Variants in NR3C2 observed in about 807,000 individuals in gnomAD.
NR3C2 encodes mineralocorticoid receptor.
NR3C2 carries 15 observed loss-of-function variants against 86.4 expected under a neutral mutation model. The ratio of observed to expected loss-of-function variants is 0.17; its 90% CI spans 0.12 to 0.27. The LOEUF is 0.27. Among genes scored for constraint, NR3C2 ranks in the 10% least tolerant of loss-of-function variants. The probability of loss-of-function intolerance (pLI) is 1.00; values close to 1 mark genes in which losing one functional copy is unlikely to be tolerated. For synonymous variants in NR3C2, 458 were observed against 450.5 expected, an observed-to-expected ratio of 1.02 and a Z score of -0.21; for missense variants, 960 against 1,195.6, an observed-to-expected ratio of 0.80 and a Z score of 2.91.
chr4:148,180,408 T>C (rs1735593334), intron 4 of NR3C2, among the ~76,000 whole-genome samples: 1 of 152,152 alleles, frequency 6.6e-6, no homozygotes, highest in Non-Finnish European at 1.5e-5. Flanking sequence ...AAAAATCTTT[T>C]TTCCTCCTTC....
At chr4:148,376,288 AG>A in intron 2 of NR3C2, among the ~76,000 whole-genome samples, 1 of 152,148 alleles carries the variant, frequency 6.6e-6, no homozygotes. Context: ...AGCCTGTGCC[AG>A]TTTACAGTAT....
intron 6 of NR3C2, among the ~76,000 whole-genome samples, chr4:148,149,677 T>C (rs916814676): frequency 2.6e-5 from 4 of 152,126 alleles, no homozygotes; most frequent in Non-Finnish European, 5.9e-5. Context: ...TTAATATCCA[T>C]AATATATAAA....
At chr4:148,379,460 C>T (rs576389424) in intron 2 of NR3C2, among the ~76,000 whole-genome samples, 1 of 152,226 alleles carries the variant, frequency 6.6e-6, no homozygotes, top group African/African-American at 2.4e-5. Flanking sequence ...CAGAGTCCCA[C>T]CGGGGATGAG....
At chr4:148,438,612 A>G (rs143201411) in intron 1 of NR3C2, among the ~76,000 whole-genome samples, 1 of 152,300 alleles carries the variant, frequency 6.6e-6, no homozygotes, top group African/African-American at 2.4e-5. Flanking sequence ...ATTTAAAAAA[A>G]AACAAAAAAC....
chr4:148,419,046 G>A (rs1412520204), intron 2 of NR3C2, among the ~76,000 whole-genome samples: 1 of 151,362 alleles, frequency 6.6e-6, no homozygotes, highest in East Asian at 1.9e-4. Flanking sequence ...TGTATCTCTA[G>A]CCTGTTTACA....
chr4:148,304,062 T>C (rs2356396), intron 2 of NR3C2, among the ~76,000 whole-genome samples: 150,631 of 152,284 alleles, frequency 0.99, 74,520 homozygotes, highest in East Asian at 1. Flanking sequence ...GGGATGCCTG[T>C]TCCCCTCTTT....
rs532259740 is a variant in NR3C2, at chr4:148,079,805, C to T, written c.*1539G>A. 1.2e-4 allele frequency: 19 copies of T among 152,724 alleles called. No individual in the cohort carries two copies. Among genetic ancestry groups the T allele is most frequent in the African/African-American group, 4.1e-4 (17 of 41,564 alleles). The allele number at this position is 152,724 out of a possible 1,614,324, so 9.5% of individuals were successfully genotyped here. A position where few individuals can be genotyped will look rare whatever the true frequency, so the allele number is the denominator to read the frequency against. On this transcript the variant is annotated 3_prime_UTR_variant, in exon 9 of 9. Transcript: ENST00000358102. ...TTTTAAAAATCTAAAACCCCTCTATCTCCCGGTCTCCATGCCATTCAGACT... is the reference window on the plus strand; with the variant it reads ...TTTTAAAAATCTAAAACCCCTCTATTTCCCGGTCTCCATGCCATTCAGACT...
intron 2 of NR3C2, among the ~76,000 whole-genome samples, chr4:148,402,578 CAGTT>C (rs951336096): frequency 2.6e-5 from 4 of 152,304 alleles, no homozygotes; most frequent in African/African-American, 4.8e-5. Flanking sequence ...GCTAAATTCA[CAGTT>C]AGAACATGTC....
chr4:148,348,873 T>C (rs1260417249), intron 2 of NR3C2, among the ~76,000 whole-genome samples: 1 of 152,130 alleles, frequency 6.6e-6, no homozygotes, highest in East Asian at 1.9e-4. Context: ...CTGCAGACAT[T>C]TTCTTCTACC....
chr4:148,086,915 C>T (rs1439670099), intron 8 of NR3C2, among the ~76,000 whole-genome samples: 1 of 152,154 alleles, frequency 6.6e-6, no homozygotes, highest in Non-Finnish European at 1.5e-5. Flanking sequence ...AGTATTAGAA[C>T]TTCTGGCCAG....
chr4:148,385,379 A>G (rs1242282383), intron 2 of NR3C2, among the ~76,000 whole-genome samples: 2 of 152,208 alleles, frequency 1.3e-5, no homozygotes. Context: ...TCCCTGAGGT[A>G]GAGTTAGAAT....
chr4:148,424,932 C>G (rs558514738), intron 2 of NR3C2, among the ~76,000 whole-genome samples: 1 of 152,030 alleles, frequency 6.6e-6, no homozygotes, highest in South Asian at 2.1e-4. Context: ...AATCTCATTG[C>G]GCAGACTAAG....
rs367932576 is a variant in NR3C2 at position 148,271,001 on chromosome 4, T to C, written c.1758-10884A>G. 2.4e-4 allele frequency among the ~76,000 whole-genome samples: 37 copies of C among 152,308 alleles called. No homozygotes were observed. In the East Asian group the frequency reaches 5.4e-3, roughly 22 times the overall value. On this transcript the variant is annotated intron_variant, in intron 2 of 8. Transcript: ENST00000358102. Reference sequence around the variant, plus strand: ...AACCAGATTCTGCTATAGGATAGCATTTCCAATTAGATAAAAATTATTCTT... The same window carrying C: ...AACCAGATTCTGCTATAGGATAGCACTTCCAATTAGATAAAAATTATTCTT...
intron 2 of NR3C2, among the ~76,000 whole-genome samples, chr4:148,386,359 A>T (rs551333446): frequency 6.6e-6 from 1 of 152,192 alleles, no homozygotes; most frequent in Non-Finnish European, 1.5e-5. Context: ...GAAAACGAGC[A>T]TACCTCAGCT....
At chr4:148,323,612 G>T (rs1285951341) in intron 2 of NR3C2, among the ~76,000 whole-genome samples, 2 of 152,074 alleles carry the variant, frequency 1.3e-5, no homozygotes. Flanking sequence ...TCGGAAAAGC[G>T]CAGTATTCGG....
intron 3 of NR3C2, among the ~76,000 whole-genome samples, chr4:148,229,541 A>C (rs2149836265): frequency 6.6e-6 from 1 of 152,274 alleles, no homozygotes; most frequent in African/African-American, 2.4e-5. Flanking sequence ...ATTCTAAATA[A>C]ACAAATGATA....
intron 2 of NR3C2, among the ~76,000 whole-genome samples, chr4:148,336,223 G>C (rs1427001324): frequency 6.6e-6 from 1 of 152,118 alleles, no homozygotes; most frequent in Non-Finnish European, 1.5e-5. Context: ...GCAGGATAAT[G>C]GCAGCACTAA....
At chr4:148,236,773 T>C (rs904102795) in intron 3 of NR3C2, among the ~76,000 whole-genome samples, 21 of 152,194 alleles carry the variant, frequency 1.4e-4, no homozygotes, top group African/African-American at 4.3e-4. Context: ...GGAGGTGATA[T>C]TAAAAATTAC....
At chr4:148,166,201 A>G (rs992304241) in intron 4 of NR3C2, among the ~76,000 whole-genome samples, 1 of 152,256 alleles carries the variant, frequency 6.6e-6, no homozygotes, top group Non-Finnish European at 1.5e-5. Flanking sequence ...AGAGCCAAAC[A>G]AAATCGCCTT....
Sources: gnomAD v4.1 joint callset for allele counts (sites outside exome capture counted in the v4.1 genomes callset) on GRCh38, gnomAD v4.1.1 for gene constraint, MANE v1.5 for transcripts, NCBI Gene and HGNC (gene_info 2026-07-23, HGNC 2026-07-21) for gene names.